B3GALT1: variants seen among roughly 807,000 people sequenced by gnomAD.
The protein encoded by B3GALT1 is UDP-Gal:betaGlcNAc beta 1,3-galactosyltransferase, polypeptide 1.
A neutral mutation model predicts 23.2 loss-of-function variants in B3GALT1; 10 were observed. That is an observed-to-expected ratio of 0.43 (90% CI 0.27 to 0.73). The LOEUF (loss-of-function observed/expected upper bound fraction) is 0.73. Ranked by LOEUF, B3GALT1 falls within the 30% of genes least tolerant of loss-of-function variation. B3GALT1 has a pLI of 0.21. For missense variants in B3GALT1, 299 were observed against 405.4 expected (o/e 0.74, Z 2.25); for synonymous variants, 156 against 141.5 (o/e 1.10, Z -0.73).
At chr2:167,819,771 A>G (rs907564096) in intron 4 of B3GALT1, among the ~76,000 whole-genome samples, 1 of 152,240 alleles carries the variant, frequency 6.6e-6, no homozygotes, top group Admixed American at 6.5e-5. Context: ...AAGCAAGTTC[A>G]ACAAAACTCC....
At chr2:167,306,211 A>G (rs888706931) in intron 1 of B3GALT1, among the ~76,000 whole-genome samples, 5 of 152,072 alleles carry the variant, frequency 3.3e-5, no homozygotes, top group African/African-American at 1.2e-4. Context: ...ACTTATGCAC[A>G]TACATTTGAG....
chr2:167,429,123 C>CA lies in B3GALT1; in HGVS notation c.-510-61046dup, dbSNP rs996430906. Among the ~76,000 whole-genome samples the CA allele has an allele frequency of 9.9e-5, 15 of 151,032 alleles. No individual in the cohort carries two copies. In the East Asian group the frequency reaches 1.6e-3, roughly 16 times the overall value. On this transcript the variant is annotated intron_variant, in intron 1 of 4. Transcript: ENST00000392690. ...TGAAACCCCGTCTCTACTAAAAATA[C>CA]AAAAAAAATTAGCCGGGCATGGTGG...
chr2:167,767,179 A>G (rs1005608993), intron 3 of B3GALT1, among the ~76,000 whole-genome samples: 3 of 152,206 alleles, frequency 2.0e-5, no homozygotes, highest in African/African-American at 7.2e-5. Flanking sequence ...TGCCAGAATT[A>G]TGTAAGCTGA....
At chr2:167,721,672 A>G (rs1425042357) in intron 3 of B3GALT1, among the ~76,000 whole-genome samples, 1 of 152,212 alleles carries the variant, frequency 6.6e-6, no homozygotes, top group African/African-American at 2.4e-5. Flanking sequence ...TCAAAACAAG[A>G]AACATCCAAC....
intron 2 of B3GALT1, among the ~76,000 whole-genome samples, chr2:167,555,683 A>T (rs1036831641): frequency 6.6e-6 from 1 of 152,192 alleles, no homozygotes; most frequent in Non-Finnish European, 1.5e-5. Context: ...TAGGAGTTAC[A>T]GTCTTCATTA....
chr2:167,557,170 C>G (rs191867522), intron 2 of B3GALT1, among the ~76,000 whole-genome samples: 1 of 151,824 alleles, frequency 6.6e-6, no homozygotes, highest in Admixed American at 6.6e-5. Context: ...TGTTTATACA[C>G]CTCAAAGTAA....
chr2:167,709,576 T>C (rs562167816), intron 3 of B3GALT1, among the ~76,000 whole-genome samples: 1 of 152,268 alleles, frequency 6.6e-6, no homozygotes, highest in South Asian at 2.1e-4. Context: ...GAGTTATGAA[T>C]AATGAGAGAA....
chr2:167,354,018 GT>G (rs1356969840), intron 1 of B3GALT1, among the ~76,000 whole-genome samples: 8 of 151,886 alleles, frequency 5.3e-5, no homozygotes, highest in Non-Finnish European at 1.0e-4. Context: ...TCCTTTTCTT[GT>G]TCTGTAAAGA....
chr2:167,326,116 A>G (rs1197477120), intron 1 of B3GALT1, among the ~76,000 whole-genome samples: 2 of 149,798 alleles, frequency 1.3e-5, no homozygotes, highest in Non-Finnish European at 3.0e-5. Context: ...TTTAGTAATC[A>G]CCATTCTTAC....
intron 1 of B3GALT1, among the ~76,000 whole-genome samples, chr2:167,341,610 C>T (rs1004563022): frequency 5.3e-5 from 8 of 151,542 alleles, no homozygotes; most frequent in Non-Finnish European, 1.2e-4. Flanking sequence ...TGCAGTGAGC[C>T]GAGATCACAC....
chr2:167,794,822 C>T (rs72880351), intron 3 of B3GALT1, among the ~76,000 whole-genome samples: 2,595 of 152,244 alleles, frequency 0.017, 50 homozygotes, highest in South Asian at 0.068. Flanking sequence ...AAAGACAAAG[C>T]GATTTCTCAC....
chr2:167,469,968 T>C (rs1399882524), intron 1 of B3GALT1, among the ~76,000 whole-genome samples: 1 of 152,200 alleles, frequency 6.6e-6, no homozygotes, highest in Non-Finnish European at 1.5e-5. Context: ...TTTCCCACAA[T>C]GTTGATTCTC....
intron 1 of B3GALT1, among the ~76,000 whole-genome samples, chr2:167,374,246 T>G (rs1697729914): frequency 1.3e-5 from 2 of 152,328 alleles, no homozygotes; most frequent in East Asian, 3.9e-4. Context: ...TACCACATTG[T>G]CTTTATCCAG....
At position 167,804,358 on chromosome 2, in the gene B3GALT1, G is replaced by A. The variant is rs1163097359; in HGVS notation, c.-351-14314G>A. Among the ~76,000 whole-genome samples the A allele has an allele frequency of 1.3e-5, 2 of 151,324 alleles. 1 individual carries two copies. The highest frequency in any genetic ancestry group is 1.3e-4 in the Admixed American group (2 of 15,164). On this transcript the variant is annotated intron_variant, in intron 3 of 4. Coordinates refer to ENST00000392690, the MANE Select transcript of B3GALT1 (RefSeq NM_020981.4). The stretch of plus-strand genomic sequence containing the variant: ...TTTAATTATTATACTTTAAGTTTTA[G>A]GGTACATGTGCACAATGTGCAGGTT...
chr2:167,684,092 C>CTAA (rs1686578379), intron 3 of B3GALT1, among the ~76,000 whole-genome samples: 1 of 152,178 alleles, frequency 6.6e-6, no homozygotes, highest in Admixed American at 6.5e-5. Flanking sequence ...ATCACAGCAC[C>CTAA]TAATGCAAGG....
intron 4 of B3GALT1, among the ~76,000 whole-genome samples, chr2:167,855,371 C>T (rs1689981552): frequency 6.6e-6 from 1 of 152,112 alleles, no homozygotes. Flanking sequence ...AAAGCTGGGG[C>T]AAGTTGCTTA....
At chr2:167,345,276 G>A (rs1697210669) in intron 1 of B3GALT1, among the ~76,000 whole-genome samples, 1 of 152,144 alleles carries the variant, frequency 6.6e-6, no homozygotes, top group African/African-American at 2.4e-5. Flanking sequence ...CTCATGAAGT[G>A]TATGTAGGTG....
chr2:167,598,506 T>C (rs1684821521), intron 2 of B3GALT1, among the ~76,000 whole-genome samples: 1 of 152,058 alleles, frequency 6.6e-6, no homozygotes, highest in African/African-American at 2.4e-5. Flanking sequence ...AAAGTACTTA[T>C]AAAATGGAAA....
At chr2:167,584,988 C>A (rs1270361657) in intron 2 of B3GALT1, among the ~76,000 whole-genome samples, 1 of 152,130 alleles carries the variant, frequency 6.6e-6, no homozygotes, top group East Asian at 1.9e-4. Context: ...CCGTCTCATC[C>A]CCAGGGGAGG....
Sources: allele counts gnomAD v4.1 joint callset (sites outside exome capture counted in the v4.1 genomes callset), GRCh38; gene constraint gnomAD v4.1.1; transcripts MANE v1.5; gene names NCBI Gene and HGNC (gene_info 2026-07-23, HGNC 2026-07-21).